The following EVL variants were observed in gnomAD, a reference collection of about 807,000 sequenced individuals.
EVL encodes the protein ena/VASP-like protein.
Under a neutral mutation model 59.6 loss-of-function variants are expected in EVL, and 21 were observed. The ratio of observed to expected loss-of-function variants is 0.35; its 90% CI spans 0.25 to 0.51. The LOEUF is 0.51. EVL is among the 20% of genes least tolerant of loss of function. The pLI, the probability that EVL is intolerant of heterozygous loss-of-function variation, is 0.97. For missense variants in EVL, 462 were observed against 546.6 expected, an observed-to-expected ratio of 0.85 and a Z score of 1.54; for synonymous variants, 198 against 203.5, an observed-to-expected ratio of 0.97 and a Z score of 0.23.
chr14:100,006,205 A>C (rs1433981882), intron 1 of EVL, among the ~76,000 whole-genome samples: 3 of 152,162 alleles, frequency 2.0e-5, no homozygotes, highest in African/African-American at 7.2e-5. Flanking sequence ...CAGTCAAGCA[A>C]AACAAACGAT....
chr14:100,132,454 C>A (rs930847907), intron 7 of EVL, among the ~76,000 whole-genome samples: 1 of 152,132 alleles, frequency 6.6e-6, no homozygotes, highest in Admixed American at 6.5e-5. Flanking sequence ...GCCAGTAGAG[C>A]TAAACAGACA....
In EVL at chr14:100,084,965, C is replaced by T. The variant is rs186761597; in HGVS notation, c.180+110C>T. On this transcript the variant is annotated intron_variant, in intron 2 of 13. Coordinates refer to ENST00000392920, the MANE Select transcript of EVL (RefSeq NM_016337.3). ...AGGTCAGAACAAAAAGGTCAATATTCGGAATCAGAGGACCTGGGCTCAGAT... is the reference window on the plus strand; with the variant it reads ...AGGTCAGAACAAAAAGGTCAATATTTGGAATCAGAGGACCTGGGCTCAGAT... 281 of 1,231,076 alleles carry T rather than the reference C, an allele frequency of 2.3e-4. No homozygotes were observed. In the African/African-American group the frequency reaches 3.3e-3, roughly 14 times the overall value. The allele number at this position is 1,231,076 out of a possible 1,614,324, so 76.3% of individuals were successfully genotyped here. A position where few individuals can be genotyped will look rare whatever the true frequency, so the allele number is the denominator to read the frequency against.
intron 2 of EVL, among the ~76,000 whole-genome samples, chr14:100,097,245 C>T (rs955940530): frequency 6.6e-6 from 1 of 152,204 alleles, no homozygotes; most frequent in African/African-American, 2.4e-5. Flanking sequence ...AGCTGTTCAT[C>T]TGGAGGTTGT....
At chr14:100,083,240 A>G (rs2062351833) in intron 1 of EVL, among the ~76,000 whole-genome samples, 1 of 152,204 alleles carries the variant, frequency 6.6e-6, no homozygotes, top group African/African-American at 2.4e-5. Context: ...CGACTGTCAC[A>G]GTTAGCAACT....
At chr14:100,064,555 A>G (rs1200747752), upstream of EVL, among the ~76,000 whole-genome samples, 1 of 152,246 alleles carries the variant, frequency 6.6e-6, no homozygotes, top group Non-Finnish European at 1.5e-5. Context: ...CTTAAATGTC[A>G]TCATTAGAGA....
intron 3 of EVL, among the ~76,000 whole-genome samples, chr14:100,112,324 G>A (rs940242995): frequency 2.0e-5 from 3 of 152,148 alleles, no homozygotes; most frequent in Admixed American, 1.3e-4. Context: ...GCAGCAGGGG[G>A]TTTCACAGCA....
chr14:100,131,165 C>T (rs142956867), intron 7 of EVL, among the ~76,000 whole-genome samples: 7 of 152,224 alleles, frequency 4.6e-5, no homozygotes, highest in South Asian at 2.1e-4. Flanking sequence ...CACTCAGAGG[C>T]GAGGATGGGC....
At chr14:100,094,271 A>G (rs540877339) in intron 2 of EVL, among the ~76,000 whole-genome samples, 9 of 152,266 alleles carry the variant, frequency 5.9e-5, no homozygotes, top group Admixed American at 5.2e-4. Context: ...CTAAGGTGCT[A>G]TTTAGCCCCT....
At chr14:99,997,487 C>T (rs752259758) in intron 1 of EVL, among the ~76,000 whole-genome samples, 1 of 152,120 alleles carries the variant, frequency 6.6e-6, no homozygotes, top group Non-Finnish European at 1.5e-5. Context: ...TGTCCATTGA[C>T]CAAGATGAAT....
chr14:100,143,666 T>C (rs768447611), intron 13 of EVL, 35 bp from the exon 14 acceptor site: 30 of 1,566,092 alleles, frequency 1.9e-5, no homozygotes, highest in Non-Finnish European at 2.5e-5. Flanking sequence ...GCACTGGTCA[T>C]GGCTGCACCT....
intron 1 of EVL, among the ~76,000 whole-genome samples, chr14:100,078,478 T>C (rs928089131): frequency 1.4e-5 from 2 of 147,922 alleles, no homozygotes; most frequent in African/African-American, 5.0e-5. Flanking sequence ...ACATTGGAGC[T>C]GGAAGTGGAA....
chr14:99,975,276 TTTAAAG>T, intron 1 of EVL: 1 of 152,412 alleles, frequency 6.6e-6, no homozygotes, highest in Non-Finnish European at 1.5e-5. Flanking sequence ...TCTGGCTGTT[TTTAAAG>T]TTCTGTCTTT....
intron 1 of EVL, chr14:100,019,509 C>G (rs1217841547): frequency 1.7e-6 from 1 of 601,058 alleles, no homozygotes; most frequent in Non-Finnish European, 2.8e-6. Flanking sequence ...AGGCTGCAGG[C>G]CCCTGTCTGC....
chr14:100,062,980 C>T (rs1187547793), upstream of EVL, among the ~76,000 whole-genome samples: 1 of 152,078 alleles, frequency 6.6e-6, no homozygotes, highest in African/African-American at 2.4e-5. Context: ...TGCCTATAGT[C>T]CTAACTACTC....
At chr14:100,085,476 T>G (rs904079325) in intron 2 of EVL, among the ~76,000 whole-genome samples, 4 of 152,204 alleles carry the variant, frequency 2.6e-5, no homozygotes, top group Non-Finnish European at 5.9e-5. Flanking sequence ...GCTGGGCGAC[T>G]TAACCACAGT....
intron 1 of EVL, among the ~76,000 whole-genome samples, chr14:100,075,235 C>G (rs2062136287): frequency 6.6e-6 from 1 of 152,214 alleles, no homozygotes; most frequent in Non-Finnish European, 1.5e-5. Flanking sequence ...GAGAAAGCCC[C>G]TGTCTCCTCC....
intron 3 of EVL, among the ~76,000 whole-genome samples, chr14:100,099,069 G>A (rs368880724): frequency 1.6e-4 from 24 of 151,596 alleles, no homozygotes; most frequent in African/African-American, 4.8e-4. Context: ...GGCGCCAGGC[G>A]TGGTGGCTCA....
At chr14:100,052,448 C>G (rs73347830) in intron 1 of EVL, among the ~76,000 whole-genome samples, 11,004 of 152,124 alleles carry the variant, frequency 0.072, 631 homozygotes, top group East Asian at 0.18. Context: ...TTGTAGATGT[C>G]ACCTTAAAAA....
At chr14:100,126,590 G>C in intron 4 of EVL, 117 bp from the exon 5 acceptor site, 2 of 1,044,450 alleles carry the variant, frequency 1.9e-6, no homozygotes, top group South Asian at 2.8e-5. Flanking sequence ...AGTGGCGCTT[G>C]TGGAGCGCTG....
Sources: gnomAD v4.1 joint callset for allele counts (sites outside exome capture counted in the v4.1 genomes callset) on GRCh38, gnomAD v4.1.1 for gene constraint, MANE v1.5 for transcripts, NCBI Gene and HGNC (gene_info 2026-07-23, HGNC 2026-07-21) for gene names.